PTPRN2: variants seen among roughly 807,000 people sequenced by gnomAD.
The protein encoded by PTPRN2 is protein tyrosine phosphatase receptor type N2, also known as receptor-type tyrosine-protein phosphatase N2.
PTPRN2 carries 74 observed loss-of-function variants against 118.8 expected under a neutral mutation model. That is an observed-to-expected ratio of 0.62 (90% CI 0.52 to 0.76). PTPRN2 has a LOEUF of 0.76. Ranked by LOEUF, PTPRN2 falls within the 30% of genes least tolerant of loss-of-function variation. PTPRN2 has a pLI of 0.00. For missense variants in PTPRN2, 1,481 were observed against 1,394.4 expected (o/e 1.06, Z -0.99); for synonymous variants, 641 against 608.0 (o/e 1.05, Z -0.80).
At chr7:158,145,206 G>T (rs967584188) in intron 6 of PTPRN2, among the ~76,000 whole-genome samples, 48 of 133,466 alleles carry the variant, frequency 3.6e-4, no homozygotes, top group Non-Finnish European at 7.1e-4. Context: ...GCTCGGCAAG[G>T]TTTCCCTCAC....
intron 5 of PTPRN2, among the ~76,000 whole-genome samples, chr7:158,185,127 T>C: frequency 6.6e-6 from 1 of 152,344 alleles, no homozygotes; most frequent in Non-Finnish European, 1.5e-5. Flanking sequence ...TTATATATTG[T>C]TGAATTTAAT....
At chr7:158,571,492 C>CA (rs1158789615) in intron 1 of PTPRN2, among the ~76,000 whole-genome samples, 188 of 72,594 alleles carry the variant, frequency 2.6e-3, no homozygotes, top group East Asian at 9.4e-3. Context: ...AAAACAAAAA[C>CA]AAAAAAAAAC....
At chr7:158,256,242 C>A (rs958572204) in intron 3 of PTPRN2, among the ~76,000 whole-genome samples, 62 of 152,304 alleles carry the variant, frequency 4.1e-4, no homozygotes, top group African/African-American at 1.4e-3. Flanking sequence ...CTCTGTCCCC[C>A]ACACAATGGA....
Position 158,525,649 on chromosome 7 carries a change from C to T in PTPRN2, c.113-35864G>A, listed in dbSNP as rs959822443. On this transcript the variant is annotated intron_variant, in intron 1 of 22. Transcript: ENST00000389418. The surrounding 1 kb of genome is among the most constrained non-coding windows in gnomAD (Gnocchi z 4.1). Reference sequence around the variant, plus strand: ...TTATTCAGCATAATCACACATATTACGGGGATTTTTAAAGATCCTTTCATG... The same window carrying T: ...TTATTCAGCATAATCACACATATTATGGGGATTTTTAAAGATCCTTTCATG... 4.6e-5 allele frequency among the ~76,000 whole-genome samples: 7 copies of T among 152,188 alleles called. No homozygotes were observed. Among genetic ancestry groups the T allele is most frequent in the South Asian group, 2.1e-4 (1 of 4,830 alleles).
intron 17 of PTPRN2, among the ~76,000 whole-genome samples, chr7:157,594,431 G>C (rs1407992515): frequency 6.6e-6 from 1 of 152,108 alleles, no homozygotes; most frequent in Non-Finnish European, 1.5e-5. Context: ...TGGATCGCCA[G>C]GAGGCTGCAG....
At chr7:158,379,752 A>AC (rs375640363) in intron 2 of PTPRN2, among the ~76,000 whole-genome samples, 4 of 152,108 alleles carry the variant, frequency 2.6e-5, no homozygotes, top group Non-Finnish European at 5.9e-5. Context: ...GTGGATGGGG[A>AC]CCCCCTAGCT....
intron 11 of PTPRN2, among the ~76,000 whole-genome samples, chr7:157,960,172 CG>C (rs1801431331): frequency 1.6e-5 from 1 of 60,796 alleles, no homozygotes; most frequent in Admixed American, 1.9e-4. Context: ...TACCAGGGGC[CG>C]GGGGAGGGGT....
At chr7:157,602,678 G>A (rs938440537) in intron 16 of PTPRN2, among the ~76,000 whole-genome samples, 7 of 145,912 alleles carry the variant, frequency 4.8e-5, no homozygotes, top group East Asian at 2.1e-4. Flanking sequence ...AGCACCGTCC[G>A]TCATCAGTGG....
chr7:158,492,767 T>C (rs761262793), intron 1 of PTPRN2, among the ~76,000 whole-genome samples: 23 of 152,270 alleles, frequency 1.5e-4, no homozygotes, highest in Non-Finnish European at 2.9e-4. Context: ...ATAGTAATTA[T>C]GACCATAAAT....
At chr7:158,578,537 T>TAAA (rs59811856) in intron 1 of PTPRN2, among the ~76,000 whole-genome samples, 4 of 125,904 alleles carry the variant, frequency 3.2e-5, no homozygotes, top group African/African-American at 9.0e-5. Context: ...CCTGTCTCTG[T>TAAA]AAAAAAAAAA....
rs940433523 is a variant in PTPRN2 at position 157,615,826 on chromosome 7, G to A, written c.2344+5536C>T. The A allele has an allele frequency of 5.6e-6, 2 of 358,894 alleles. No homozygotes were observed. The highest frequency in any genetic ancestry group is 4.3e-5 in the African/African-American group (2 of 46,808). The allele number at this position is 358,894 out of a possible 1,614,324, so 22.2% of individuals were successfully genotyped here. ...AACTTGACTGTCACCAACGGGGGGT[G>A]GGGGGTGCGCGAGGCCCTGGGCTCC... On this transcript the variant is annotated intron_variant, in intron 15 of 22. Transcript: ENST00000389418. This position sits in a 1 kb window ranked among gnomAD's most constrained non-coding sequence, Gnocchi z 4.3.
chr7:157,988,277 G>A lies in PTPRN2; in HGVS notation c.1724-89540C>T, dbSNP rs564708032. On this transcript the variant is annotated intron_variant, in intron 11 of 22. Coordinates refer to ENST00000389418, the MANE Select transcript of PTPRN2 (RefSeq NM_002847.5). ...AGGCTTCTTTGTGCTTTGGTCACAC[G>A]GAGAATTATCAGTGCAGTCTCTGTC... Among the ~76,000 whole-genome samples, 7 of 151,946 alleles carry A rather than the reference G, an allele frequency of 4.6e-5. No homozygotes were observed. The South Asian group carries it at 1.0e-3, about 23-fold the overall frequency.
chr7:158,470,598 G>A lies in PTPRN2; in HGVS notation c.163+19137C>T, dbSNP rs1003395971. Among the ~76,000 whole-genome samples, 9 of 152,284 alleles carry A rather than the reference G, an allele frequency of 5.9e-5. No homozygotes were observed. In the South Asian group the frequency reaches 1.0e-3, roughly 18 times the overall value. On this transcript the variant is annotated intron_variant, in intron 2 of 22. Transcript: ENST00000389418. ...AAGGTAGCGTTGCGTCACCCCGACCGGCTGCTCAGTCAGTTCCCAATCTAG... is the reference window on the plus strand; with the variant it reads ...AAGGTAGCGTTGCGTCACCCCGACCAGCTGCTCAGTCAGTTCCCAATCTAG...
intron 3 of PTPRN2, 125 bp from the exon 4 acceptor site, chr7:158,205,398 C>T: frequency 3.0e-6 from 2 of 663,414 alleles, no homozygotes; most frequent in South Asian, 1.8e-5. Flanking sequence ...AGTAAGCCTC[C>T]CTCTCACTGC....
chr7:158,429,224 G>T (rs1420333621), intron 2 of PTPRN2, among the ~76,000 whole-genome samples: 1 of 152,212 alleles, frequency 6.6e-6, no homozygotes, highest in Non-Finnish European at 1.5e-5. Context: ...GAGAGCACTG[G>T]GAGGCAGCAT....
intron 11 of PTPRN2, among the ~76,000 whole-genome samples, chr7:158,074,044 C>T (rs532853945): frequency 5.3e-5 from 8 of 152,336 alleles, no homozygotes; most frequent in East Asian, 3.9e-4. Context: ...GCCATCCTGC[C>T]GTCCTCCCGT....
chr7:157,842,316 T>G (rs114614071), intron 12 of PTPRN2, among the ~76,000 whole-genome samples: 1 of 152,008 alleles, frequency 6.6e-6, no homozygotes, highest in Non-Finnish European at 1.5e-5. Context: ...TACTGATCTA[T>G]CTGCTCTTAT....
intron 3 of PTPRN2, among the ~76,000 whole-genome samples, chr7:158,209,047 A>G (rs971155294): frequency 5.9e-5 from 9 of 152,150 alleles, no homozygotes; most frequent in African/African-American, 1.9e-4. Flanking sequence ...AAAAAACATA[A>G]ACAGATACAA....
At chr7:157,540,880 C>G (rs1797981351) in intron 22 of PTPRN2, 95 bp from the exon 23 acceptor site, 1 of 999,492 alleles carries the variant, frequency 1.0e-6, no homozygotes, top group Non-Finnish European at 1.5e-6. Flanking sequence ...GCGGCGTCCC[C>G]CCTTCCCAAC....
Sources: allele counts gnomAD v4.1 joint callset (sites outside exome capture counted in the v4.1 genomes callset), GRCh38; gene constraint gnomAD v4.1.1; non-coding constraint Gnocchi (gnomAD v3.1); transcripts MANE v1.5; gene names NCBI Gene and HGNC (gene_info 2026-07-23, HGNC 2026-07-21).